FKBP9: variants seen among roughly 807,000 people sequenced by gnomAD.
The protein encoded by FKBP9 is FKBP prolyl isomerase 9, also known as peptidyl-prolyl cis-trans isomerase FKBP9.
In FKBP9, 27 loss-of-function variants were observed where a neutral mutation model predicts 55.6. The ratio of observed to expected loss-of-function variants is 0.49; its 90% CI spans 0.36 to 0.67. The LOEUF (loss-of-function observed/expected upper bound fraction) is 0.67. Among genes scored for constraint, FKBP9 ranks in the 30% least tolerant of loss-of-function variants. The pLI is 0.00. For missense variants in FKBP9, 539 were observed against 742.8 expected, an observed-to-expected ratio of 0.73 and a Z score of 3.19; for synonymous variants, 267 against 296.5, an observed-to-expected ratio of 0.90 and a Z score of 1.02.
intron 5 of FKBP9, among the ~76,000 whole-genome samples, chr7:32,984,139 T>C (rs1316616004): frequency 6.6e-6 from 1 of 152,192 alleles, no homozygotes; most frequent in Non-Finnish European, 1.5e-5. Context: ...TCCTAGAGTA[T>C]ATAAATGTTT....
chr7:32,971,519 C>G (rs773423817), intron 1 of FKBP9, among the ~76,000 whole-genome samples: 8 of 152,026 alleles, frequency 5.3e-5, no homozygotes, highest in Non-Finnish European at 1.2e-4. Context: ...CTCACTCTGT[C>G]ACCCAGGATG....
chr7:32,960,725 CT>C (rs1784004866), intron 1 of FKBP9, among the ~76,000 whole-genome samples: 1 of 152,134 alleles, frequency 6.6e-6, no homozygotes, highest in South Asian at 2.1e-4. Context: ...GCGTCTATCC[CT>C]CAAGAGAGAG....
chr7:32,992,033 C>G (rs1330315867), intron 6 of FKBP9, among the ~76,000 whole-genome samples: 1 of 152,154 alleles, frequency 6.6e-6, no homozygotes, highest in Non-Finnish European at 1.5e-5. Context: ...GCCACAATAG[C>G]TAATCCATGA....
At chr7:33,003,982 A>G (rs1240828244) in intron 9 of FKBP9, among the ~76,000 whole-genome samples, 5 of 151,064 alleles carry the variant, frequency 3.3e-5, no homozygotes, top group Admixed American at 6.6e-5. Context: ...CCACCCGCAC[A>G]CCCCGCTTGG....
chr7:32,965,826 T>TATATATATATGTGTGTACAC (rs1554284317), intron 1 of FKBP9, among the ~76,000 whole-genome samples: 1 of 33,296 alleles, frequency 3.0e-5, no homozygotes, highest in African/African-American at 1.2e-4. Flanking sequence ...TATATATATA[T>TATATATATATGTGTGTACAC]ATATATATAT....
intron 1 of FKBP9, among the ~76,000 whole-genome samples, chr7:32,973,565 CTT>C (rs1784291625): frequency 1.0e-5 from 1 of 96,020 alleles, no homozygotes; most frequent in Admixed American, 1.3e-4. Context: ...AGCTGGATGA[CTT>C]TAAAAAAAAT....
intron 1 of FKBP9, among the ~76,000 whole-genome samples, chr7:32,963,921 G>A (rs988632348): frequency 2.0e-5 from 3 of 152,190 alleles, no homozygotes; most frequent in Non-Finnish European, 4.4e-5. Flanking sequence ...AAGTCACATG[G>A]TCCTAAGTGG....
chr7:32,985,269 A>G (rs1289051726), intron 5 of FKBP9, among the ~76,000 whole-genome samples: 1 of 149,800 alleles, frequency 6.7e-6, no homozygotes, highest in Non-Finnish European at 1.5e-5. Context: ...TCTGCCCTCC[A>G]GGTTCAAGCG....
chr7:32,974,653 A>C lies in FKBP9; in HGVS notation c.258A>C (p.Gly86=). The C allele has an allele frequency of 2.5e-6, 4 of 1,613,672 alleles. No homozygotes were observed. Among genetic ancestry groups the C allele is most frequent in the Non-Finnish European group, 3.4e-6 (4 of 1,179,640 alleles). ...DRDSTFNVFV[G]KGQLITGMDQ... ...ACTCCACTTTCAATGTGTTTGTGGG[A>C]AAAGGACAGCTGATCACAGGGATGG... is the stretch of plus-strand genomic sequence containing the variant. Residue 86 remains glycine (G), a synonymous_variant, in exon 2 of 10, where the codon GGA becomes GGC. Coordinates refer to ENST00000242209, the MANE Select transcript of FKBP9 (RefSeq NM_007270.5).
intron 9 of FKBP9, among the ~76,000 whole-genome samples, chr7:33,004,330 T>C (rs983801770): frequency 1.2e-4 from 18 of 152,118 alleles, no homozygotes; most frequent in African/African-American, 4.3e-4. Context: ...GGCCTCACAG[T>C]GGCCTGTGAA....
intron 7 of FKBP9, among the ~76,000 whole-genome samples, chr7:32,997,387 A>C (rs10266892): frequency 1.3e-5 from 2 of 150,930 alleles, no homozygotes; most frequent in East Asian, 4.0e-4. Flanking sequence ...TAATTTTTAA[A>C]ATTTTTTTAG....
chr7:32,962,352 C>T (rs10259476), intron 1 of FKBP9, among the ~76,000 whole-genome samples: 3 of 152,188 alleles, frequency 2.0e-5, no homozygotes, highest in African/African-American at 7.2e-5. Context: ...CGAGATTGCA[C>T]CACTGCACTA....
chr7:32,961,002 C>T (rs545379943), intron 1 of FKBP9, among the ~76,000 whole-genome samples: 80 of 152,176 alleles, frequency 5.3e-4, no homozygotes, highest in Non-Finnish European at 8.7e-4. Flanking sequence ...GCCCAAGGAA[C>T]ATAAGTACTA....
At chr7:32,963,714 C>A in intron 1 of FKBP9, 1 of 1,346,574 alleles carries the variant, frequency 7.4e-7, no homozygotes, top group Non-Finnish European at 9.5e-7. Flanking sequence ...TGACTTTCTG[C>A]CTCTCTCCAA....
intron 7 of FKBP9, among the ~76,000 whole-genome samples, chr7:32,999,066 C>A (rs903450390): frequency 6.6e-6 from 1 of 152,288 alleles, no homozygotes; most frequent in East Asian, 1.9e-4. Flanking sequence ...GAAAGGCAGG[C>A]AGTGAGAGTT....
chr7:32,973,091 G>T (rs67717981), intron 1 of FKBP9, among the ~76,000 whole-genome samples: 55,865 of 151,934 alleles, frequency 0.37, 10,745 homozygotes, highest in South Asian at 0.49. Flanking sequence ...GTTATAAAAT[G>T]CCATAGAGCA....
chr7:32,986,492 C>T (rs1445531953), intron 5 of FKBP9, among the ~76,000 whole-genome samples: 1 of 152,226 alleles, frequency 6.6e-6, no homozygotes, highest in Non-Finnish European at 1.5e-5. Flanking sequence ...CACGGTCCTC[C>T]TCTTCCCTGC....
chr7:32,976,406 C>T lies in FKBP9; in HGVS notation c.610C>T (p.Pro204Ser). 1 of 1,613,840 alleles carries T rather than the reference C, an allele frequency of 6.2e-7. No individual in the cohort carries two copies. Among genetic ancestry groups the T allele is most frequent in the Non-Finnish European group, 8.5e-7 (1 of 1,179,848 alleles). Reference sequence around the variant, plus strand: ...GTATGTGGGAATTGGCTGGCTGATTCCTGGAATGGATAAAGGGCTGCTGGG... The same window carrying T: ...GTATGTGGGAATTGGCTGGCTGATTTCTGGAATGGATAAAGGGCTGCTGGG... ...DTYVGIGWLI[P>S]GMDKGLLGMC... The change falls in exon 4 of 10, where the codon CCT becomes TCT. Residue 204 changes from proline to serine, a missense_variant. Coordinates refer to ENST00000242209, the MANE Select transcript of FKBP9 (RefSeq NM_007270.5).
intron 5 of FKBP9, among the ~76,000 whole-genome samples, chr7:32,987,244 T>G (rs1047509475): frequency 6.6e-6 from 1 of 152,162 alleles, no homozygotes; most frequent in African/African-American, 2.4e-5. Context: ...AGCCTGTAAT[T>G]CCACACTTTC....
Sources: allele counts gnomAD v4.1 joint callset (sites outside exome capture counted in the v4.1 genomes callset), GRCh38; gene constraint gnomAD v4.1.1; transcripts MANE v1.5; gene names NCBI Gene and HGNC (gene_info 2026-07-23, HGNC 2026-07-21).